VAT1L: variants seen among roughly 807,000 people sequenced by gnomAD.
The protein encoded by VAT1L is putative NADPH-dependent quinone oxidoreductase VAT1L.
A neutral mutation model predicts 44.1 loss-of-function variants in VAT1L; 34 were observed. The observed-to-expected ratio is 0.77, with a 90% CI of 0.59 to 1.03. VAT1L has a LOEUF of 1.03. Among genes scored for constraint, VAT1L ranks in the 50% least tolerant of loss-of-function variants. VAT1L has a pLI of 0.00. For synonymous variants in VAT1L, 253 were observed against 202.2 expected (o/e 1.25, Z -2.13); for missense variants, 615 against 538.8 (o/e 1.14, Z -1.40).
intron 3 of VAT1L, among the ~76,000 whole-genome samples, chr16:77,826,182 G>T (rs1281984268): frequency 6.8e-6 from 1 of 147,218 alleles, no homozygotes; most frequent in East Asian, 2.0e-4. Context: ...ACTCCAGCCT[G>T]GGCGACAGAG....
At chr16:77,915,000 C>T (rs1197127360) in intron 7 of VAT1L, among the ~76,000 whole-genome samples, 1 of 152,160 alleles carries the variant, frequency 6.6e-6, no homozygotes, top group Non-Finnish European at 1.5e-5. Flanking sequence ...TGGCACATGT[C>T]TGTAATCCCA....
At chr16:77,896,007 C>A (rs917017809) in intron 7 of VAT1L, among the ~76,000 whole-genome samples, 4 of 152,166 alleles carry the variant, frequency 2.6e-5, no homozygotes, top group Non-Finnish European at 5.9e-5. Context: ...GAGGTTGGCA[C>A]ATTCAAGGAC....
At chr16:77,853,720 T>G (rs943150530) in intron 3 of VAT1L, among the ~76,000 whole-genome samples, 4 of 152,110 alleles carry the variant, frequency 2.6e-5, no homozygotes, top group Non-Finnish European at 4.4e-5. Flanking sequence ...CCCCAGGTGA[T>G]GTTGAGGCTG....
chr16:77,826,704 G>T (rs140394133), intron 3 of VAT1L, among the ~76,000 whole-genome samples: 1 of 152,214 alleles, frequency 6.6e-6, no homozygotes, highest in African/African-American at 2.4e-5. Flanking sequence ...CTGGGGTCTG[G>T]GTGGAACGTT....
At chr16:77,916,882 C>A (rs2017557938) in intron 7 of VAT1L, among the ~76,000 whole-genome samples, 1 of 151,702 alleles carries the variant, frequency 6.6e-6, no homozygotes, top group South Asian at 2.1e-4. Context: ...CAAAGAGTGC[C>A]CTCTGATTAG....
chr16:77,898,945 G>A (rs972668565), intron 7 of VAT1L, among the ~76,000 whole-genome samples: 6 of 152,180 alleles, frequency 3.9e-5, no homozygotes, highest in Non-Finnish European at 8.8e-5. Context: ...TGTTTTGGGA[G>A]GTTCTGCCAG....
chr16:77,935,124 TC>T (rs1348293633), intron 7 of VAT1L, among the ~76,000 whole-genome samples: 2 of 152,180 alleles, frequency 1.3e-5, no homozygotes, highest in African/African-American at 4.8e-5. Flanking sequence ...GTCTGGACTT[TC>T]TATTGAAACC....
intron 7 of VAT1L, among the ~76,000 whole-genome samples, chr16:77,955,231 T>C (rs953314364): frequency 2.6e-5 from 4 of 152,322 alleles, no homozygotes; most frequent in South Asian, 4.1e-4. Context: ...GATTCTCAAC[T>C]GGAGGTGCTT....
intron 1 of VAT1L, among the ~76,000 whole-genome samples, chr16:77,790,158 C>T (rs1221051989): frequency 6.6e-6 from 1 of 152,126 alleles, no homozygotes; most frequent in South Asian, 2.1e-4. Flanking sequence ...CAGGTTTCAT[C>T]GGCCAGATTA....
At chr16:77,964,779 C>CT (rs10566511) in intron 7 of VAT1L, among the ~76,000 whole-genome samples, 65 of 91,876 alleles carry the variant, frequency 7.1e-4, no homozygotes, top group African/African-American at 3.9e-3. Flanking sequence ...CTTTGTAGCA[C>CT]TTTTTTTTTT....
At chr16:77,941,777 C>T (rs1304577763) in intron 7 of VAT1L, among the ~76,000 whole-genome samples, 1 of 151,972 alleles carries the variant, frequency 6.6e-6, no homozygotes, top group Non-Finnish European at 1.5e-5. Context: ...TTGGTAGAAA[C>T]AGGGTTTCAC....
At chr16:77,925,840 C>T (rs2017660784) in intron 7 of VAT1L, among the ~76,000 whole-genome samples, 1 of 152,102 alleles carries the variant, frequency 6.6e-6, no homozygotes, top group Admixed American at 6.6e-5. Flanking sequence ...TTTAATTCCC[C>T]CCACCTCCCC....
At chr16:77,882,472 A>C (rs1016805461) in intron 6 of VAT1L, 2 of 152,252 alleles carry the variant, frequency 1.3e-5, no homozygotes, top group African/African-American at 4.8e-5. Context: ...GTATGTTTAT[A>C]GAGCACCTCA....
chr16:77,933,763 A>G (rs2017759541), intron 7 of VAT1L, among the ~76,000 whole-genome samples: 1 of 152,234 alleles, frequency 6.6e-6, no homozygotes, highest in Non-Finnish European at 1.5e-5. Context: ...TTTAAAAAAC[A>G]ACAACAATAA....
intron 7 of VAT1L, among the ~76,000 whole-genome samples, chr16:77,938,012 G>A (rs981023277): frequency 1.3e-5 from 2 of 152,226 alleles, no homozygotes; most frequent in South Asian, 2.1e-4. Flanking sequence ...CTCTAAGAGC[G>A]TAAAGGGCAA....
At chr16:77,962,087 G>T (rs575483106) in intron 7 of VAT1L, among the ~76,000 whole-genome samples, 12 of 152,038 alleles carry the variant, frequency 7.9e-5, no homozygotes, top group African/African-American at 2.4e-4. Flanking sequence ...TCCAGAACCT[G>T]CCAGTCATGC....
rs557699453 is a variant in VAT1L, at chr16:77,825,101, G to C, written c.364-145G>C. ...AGGCTGGTCTTGAACTCCTGATCTT[G>C]ATTGATTCACCCACCTCAGCCTCCC... On this transcript the variant is annotated intron_variant, in intron 2 of 8. Coordinates refer to ENST00000302536, the MANE Select transcript of VAT1L (RefSeq NM_020927.3). The C allele has an allele frequency of 1.8e-4, 144 of 785,088 alleles. No individual in the cohort carries two copies. In the East Asian group the frequency reaches 2.9e-3, roughly 16 times the overall value. The allele number at this position is 785,088 out of a possible 1,614,324, so 48.6% of individuals were successfully genotyped here. A position where few individuals can be genotyped will look rare whatever the true frequency, so the allele number is the denominator to read the frequency against.
chr16:77,890,208 T>C (rs903980943), intron 7 of VAT1L, among the ~76,000 whole-genome samples: 12 of 151,800 alleles, frequency 7.9e-5, no homozygotes, highest in Admixed American at 3.3e-4. Flanking sequence ...GAAATAGATA[T>C]GACAAGCAGG....
chr16:77,948,570 G>A (rs2018000272), intron 7 of VAT1L, among the ~76,000 whole-genome samples: 1 of 152,060 alleles, frequency 6.6e-6, no homozygotes, highest in Admixed American at 6.6e-5. Context: ...GCAATTATAG[G>A]ATACTGACAC....
Sources: allele counts gnomAD v4.1 joint callset (sites outside exome capture counted in the v4.1 genomes callset), GRCh38; gene constraint gnomAD v4.1.1; transcripts MANE v1.5; gene names NCBI Gene and HGNC (gene_info 2026-07-23, HGNC 2026-07-21).